ANO10: variants seen among roughly 807,000 people sequenced by gnomAD.
The protein encoded by ANO10 is anoctamin 10, also known as anoctamin-10.
Under a neutral mutation model 74.7 loss-of-function variants are expected in ANO10, and 77 were observed. The ratio of observed to expected loss-of-function variants is 1.03; its 90% CI spans 0.86 to 1.25. The LOEUF is 1.25. Among genes scored for constraint, ANO10 ranks in the 50% most tolerant of loss-of-function variants. The pLI, the probability that ANO10 is intolerant of heterozygous loss-of-function variation, is 0.00. For missense variants in ANO10, 721 were observed against 778.1 expected (o/e 0.93, Z 0.87); for synonymous variants, 279 against 284.9 (o/e 0.98, Z 0.21).
chr3:43,416,540 GAGA>G (rs1265232328), intron 12 of ANO10, among the ~76,000 whole-genome samples: 3 of 152,292 alleles, frequency 2.0e-5, no homozygotes, highest in South Asian at 4.1e-4. Flanking sequence ...GGAAAAGGAG[GAGA>G]AGATGTATTT....
intron 12 of ANO10, among the ~76,000 whole-genome samples, chr3:43,417,201 G>C (rs945752343): frequency 6.6e-6 from 1 of 152,204 alleles, no homozygotes; most frequent in African/African-American, 2.4e-5. Flanking sequence ...CTGGGAACTT[G>C]CACGGGTGAA....
intron 7 of ANO10, among the ~76,000 whole-genome samples, chr3:43,572,507 T>TA (rs1342595281): frequency 6.6e-6 from 1 of 152,134 alleles, no homozygotes; most frequent in Admixed American, 6.5e-5. Flanking sequence ...AGACAGCAGG[T>TA]AACTGGGAGG....
intron 3 of ANO10, among the ~76,000 whole-genome samples, chr3:43,599,997 G>T (rs114208474): frequency 0.012 from 1,767 of 152,076 alleles, 28 homozygotes; most frequent in African/African-American, 0.037. Flanking sequence ...TCAAAAAAAA[G>T]GATTTTTCTG....
At chr3:43,643,358 A>G (rs745348501) in intron 1 of ANO10, among the ~76,000 whole-genome samples, 1 of 151,786 alleles carries the variant, frequency 6.6e-6, no homozygotes, top group Non-Finnish European at 1.5e-5. Context: ...GTAGATTCCT[A>G]GAAACGAGAT....
intron 11 of ANO10, among the ~76,000 whole-genome samples, chr3:43,469,038 CTTTTTTT>C (rs371985258): frequency 5.7e-5 from 4 of 70,338 alleles, no homozygotes; most frequent in Non-Finnish European, 9.8e-5. Context: ...CAATTAGCTG[CTTTTTTT>C]TTTTTTTTTT....
chr3:43,602,484 C>T (rs1439745875), intron 2 of ANO10, among the ~76,000 whole-genome samples: 1 of 152,158 alleles, frequency 6.6e-6, no homozygotes, highest in African/African-American at 2.4e-5. Flanking sequence ...TACAGGCACA[C>T]ACAACCACAT....
intron 1 of ANO10, chr3:43,690,797 C>A (rs2084352512): frequency 2.1e-6 from 1 of 468,294 alleles, no homozygotes; most frequent in Non-Finnish European, 3.6e-6. Flanking sequence ...TGCATGCTGG[C>A]TGGGGATGGC....
At chr3:43,443,513 AG>A (rs984043050) in intron 11 of ANO10, among the ~76,000 whole-genome samples, 1 of 152,082 alleles carries the variant, frequency 6.6e-6, no homozygotes, top group Non-Finnish European at 1.5e-5. Context: ...AGCATGTCAA[AG>A]TGCAGTATTT....
rs374102417 is a variant in ANO10 at position 43,571,726 on chromosome 3, C to T, written c.1218+3083G>A. On this transcript the variant is annotated intron_variant, in intron 7 of 12. Transcript: ENST00000292246. The stretch of plus-strand genomic sequence containing the variant: ...GGGAGGGATAGCATTGGGAGATATA[C>T]CTAATGCTAGATGACGAGTTAGTGG... 5.9e-5 allele frequency among the ~76,000 whole-genome samples: 9 copies of T among 151,344 alleles called. No individual in the cohort carries two copies. The East Asian group carries it at 7.8e-4, about 13-fold the overall frequency.
intron 12 of ANO10, among the ~76,000 whole-genome samples, chr3:43,420,008 A>C (rs1023741708): frequency 7.2e-5 from 11 of 152,236 alleles, no homozygotes; most frequent in Admixed American, 5.2e-4. Context: ...ACAAATGAGC[A>C]AACATGTTGT....
intron 9 of ANO10, 35 bp from the exon 10 acceptor site, chr3:43,555,504 T>C (rs1434342480): frequency 1.3e-6 from 2 of 1,595,128 alleles, no homozygotes; most frequent in Non-Finnish European, 1.7e-6. Flanking sequence ...TATTTTAATA[T>C]CATACAATAG....
rs371775323 is a variant in ANO10 at position 43,458,230 on chromosome 3, C to CAAGAG, written c.1798-25508_1798-25504dup. On this transcript the variant is annotated intron_variant, in intron 11 of 12. Coordinates refer to ENST00000292246, the MANE Select transcript of ANO10 (RefSeq NM_018075.5). Reference sequence around the variant, plus strand: ...TAAATGCTGACCCCGGAGTCCTAGTCAAGAGACCCCCTGCAATGGAGACCA... The same window carrying CAAGAG: ...TAAATGCTGACCCCGGAGTCCTAGTCAAGAGAAGAGACCCCCTGCAATGGAGACCA... Among the ~76,000 whole-genome samples, 110 of 152,264 alleles carry CAAGAG rather than the reference C, an allele frequency of 7.2e-4. 1 individual carries two copies. The highest frequency in any genetic ancestry group is 2.2e-3 in the African/African-American group (92 of 41,556).
chr3:43,580,590 A>G, intron 4 of ANO10, 118 bp from the exon 5 acceptor site: 2 of 1,217,116 alleles, frequency 1.6e-6, no homozygotes, highest in Non-Finnish European at 2.4e-6. Flanking sequence ...TCAATGTCAT[A>G]CTGCCTACTC....
intron 5 of ANO10, 46 bp from the exon 6 acceptor site, chr3:43,577,307 C>T (rs751352611): frequency 3.8e-6 from 6 of 1,563,096 alleles, no homozygotes; most frequent in Non-Finnish European, 5.3e-6. Context: ...CTACCAAACA[C>T]TTTAAAAAAT....
intron 12 of ANO10, among the ~76,000 whole-genome samples, chr3:43,427,065 C>T (rs2092909743): frequency 6.6e-6 from 1 of 152,166 alleles, no homozygotes; most frequent in Admixed American, 6.5e-5. Context: ...ATTAGAATCA[C>T]TTGATGTGCT....
chr3:43,665,914 G>A (rs549680278), intron 1 of ANO10, among the ~76,000 whole-genome samples: 1 of 152,172 alleles, frequency 6.6e-6, no homozygotes, highest in African/African-American at 2.4e-5. Flanking sequence ...ATTATAAAGA[G>A]GTTTCAGCAT....
chr3:43,575,587 CT>C (rs2080956840), intron 6 of ANO10, among the ~76,000 whole-genome samples: 1 of 152,110 alleles, frequency 6.6e-6, no homozygotes, highest in Non-Finnish European at 1.5e-5. Context: ...AAGGAAAGTA[CT>C]TGATAAATGA....
At chr3:43,643,364 G>T (rs574472383) in intron 1 of ANO10, among the ~76,000 whole-genome samples, 3 of 151,918 alleles carry the variant, frequency 2.0e-5, no homozygotes, top group Admixed American at 2.0e-4. Context: ...TCCTAGAAAC[G>T]AGATTGCTGG....
intron 11 of ANO10, among the ~76,000 whole-genome samples, chr3:43,507,334 A>G (rs2077333019): frequency 6.6e-6 from 1 of 151,952 alleles, no homozygotes; most frequent in Non-Finnish European, 1.5e-5. Context: ...ACAGGAGGGA[A>G]TAAGAAGTGT....
Sources: gnomAD v4.1 joint callset for allele counts (sites outside exome capture counted in the v4.1 genomes callset) on GRCh38, gnomAD v4.1.1 for gene constraint, MANE v1.5 for transcripts, NCBI Gene and HGNC (gene_info 2026-07-23, HGNC 2026-07-21) for gene names.